Variants in MRPS6 observed in about 807,000 individuals in gnomAD.
MRPS6 encodes the protein small ribosomal subunit protein bS6m.
In MRPS6, 6 loss-of-function variants were observed where a neutral mutation model predicts 13.1. The observed-to-expected ratio is 0.46, with a 90% confidence interval of 0.25 to 0.91. MRPS6 has a LOEUF of 0.91. MRPS6 is among the 40% of genes least tolerant of loss of function. The pLI, the probability that MRPS6 is intolerant of heterozygous loss-of-function variation, is 0.18. For synonymous variants in MRPS6, 61 were observed against 56.5 expected (o/e 1.08, Z -0.36); for missense variants, 164 against 155.6 (o/e 1.05, Z -0.29).
At position 34,081,668 on chromosome 21, in the gene MRPS6, A is replaced by T. The variant is rs889413957; in HGVS notation, c.45+7923A>T. On this transcript the variant is annotated intron_variant, in intron 1 of 2. Coordinates refer to ENST00000399312, the MANE Select transcript of MRPS6 (RefSeq NM_032476.4). ...CCTCAGTTCCTTCTTTGTAAAATGGAAGTAATTCATTTGGGAGGGTATTTG... is the reference window on the plus strand; with the variant it reads ...CCTCAGTTCCTTCTTTGTAAAATGGTAGTAATTCATTTGGGAGGGTATTTG... Among the ~76,000 whole-genome samples, 6 of 152,120 alleles carry T rather than the reference A, an allele frequency of 3.9e-5. No individual in the cohort carries two copies. The South Asian group carries it at 1.0e-3, about 26-fold the overall frequency.
chr21:34,116,193 TG>T (rs1441180541), intron 1 of MRPS6, among the ~76,000 whole-genome samples: 1 of 131,808 alleles, frequency 7.6e-6, no homozygotes, highest in East Asian at 2.9e-4. Flanking sequence ...TGTGTGTGTG[TG>T]TGTGTGTGTG....
intron 1 of MRPS6, among the ~76,000 whole-genome samples, chr21:34,086,979 TCA>T (rs1978421331): frequency 6.6e-6 from 1 of 152,162 alleles, no homozygotes. Context: ...TCTGCACATA[TCA>T]CTGCACACTA....
intron 1 of MRPS6, among the ~76,000 whole-genome samples, chr21:34,086,086 A>G (rs1569414003): frequency 6.6e-6 from 1 of 152,190 alleles, no homozygotes; most frequent in South Asian, 2.1e-4. Context: ...TTACTCTGTA[A>G]TAGCTTCTTA....
At chr21:34,135,791 G>A in intron 2 of MRPS6, 1 of 519,538 alleles carries the variant, frequency 1.9e-6, no homozygotes, top group Non-Finnish European at 3.8e-6. Context: ...ACAGTCATGA[G>A]CTTCTTGCTG....
chr21:34,117,328 G>A (rs937344050), intron 1 of MRPS6, among the ~76,000 whole-genome samples: 1 of 151,970 alleles, frequency 6.6e-6, no homozygotes, highest in Non-Finnish European at 1.5e-5. Flanking sequence ...AGCACCCAAA[G>A]TGGCCCTCTT....
At chr21:34,077,201 G>A (rs1989352983) in intron 1 of MRPS6, among the ~76,000 whole-genome samples, 1 of 152,298 alleles carries the variant, frequency 6.6e-6, no homozygotes, top group South Asian at 2.1e-4. Flanking sequence ...TTTCAGTTAG[G>A]TAAAAGACTG....
chr21:34,114,841 G>C (rs1979839867), intron 1 of MRPS6, among the ~76,000 whole-genome samples: 1 of 152,214 alleles, frequency 6.6e-6, no homozygotes, highest in Non-Finnish European at 1.5e-5. Context: ...CTGACAACTA[G>C]TAAGTTCACA....
At chr21:34,084,841 T>A (rs1471384583) in intron 1 of MRPS6, among the ~76,000 whole-genome samples, 3 of 152,206 alleles carry the variant, frequency 2.0e-5, no homozygotes, top group Non-Finnish European at 4.4e-5. Context: ...ACTAAAAAAA[T>A]TTCAGACTTA....
chr21:34,073,730 GA>G lies in MRPS6; in HGVS notation c.33del (p.Ala12ProfsTer11). 1.3e-6 allele frequency: 2 copies of G among 1,528,790 alleles called. No homozygotes were observed. Among genetic ancestry groups the G allele is most frequent in the African/African-American group, 1.4e-5 (1 of 69,346 alleles). 94.7% of individuals were successfully genotyped at this position (1,528,790 alleles called of 1,614,324 possible). MPRYELALIL[K>X]AMQRPETAAT... ...CCCGCTACGAGCTGGCTTTAATCCT[GA>G]AAGCCATGCAGCGGGTAAGTGACCT... On this transcript the variant is annotated frameshift_variant, in exon 1 of 3. Coordinates refer to ENST00000399312, the MANE Select transcript of MRPS6 (RefSeq NM_032476.4). LOFTEE classifies it high-confidence loss of function.
intron 2 of MRPS6, among the ~76,000 whole-genome samples, chr21:34,133,606 G>A (rs1224648916): frequency 6.6e-6 from 1 of 152,182 alleles, no homozygotes; most frequent in African/African-American, 2.4e-5. Context: ...GACTTCCTGT[G>A]GACTCTCTGG....
chr21:34,109,004 T>C (rs969141133), intron 1 of MRPS6, among the ~76,000 whole-genome samples: 4 of 152,218 alleles, frequency 2.6e-5, no homozygotes, highest in Non-Finnish European at 1.5e-5. Flanking sequence ...ATGCCTTTGC[T>C]CTTAATTTTC....
chr21:34,110,221 T>C (rs185136119), intron 1 of MRPS6, among the ~76,000 whole-genome samples: 78 of 152,290 alleles, frequency 5.1e-4, no homozygotes, highest in African/African-American at 1.6e-3. Flanking sequence ...CCAGCACTTT[T>C]GGGAGGCTGA....
intron 1 of MRPS6, among the ~76,000 whole-genome samples, chr21:34,087,356 G>A (rs896204253): frequency 4.6e-5 from 7 of 152,126 alleles, no homozygotes; most frequent in Non-Finnish European, 7.3e-5. Flanking sequence ...AGTCTTGATG[G>A]CGAAGAACTT....
chr21:34,097,378 T>C (rs1355384986), intron 1 of MRPS6: 3 of 1,564,044 alleles, frequency 1.9e-6, no homozygotes, highest in Admixed American at 1.9e-5. Context: ...GGTGAGACAC[T>C]AACTTAAGAC....
chr21:34,074,015 G>C (rs1989257050), intron 1 of MRPS6, among the ~76,000 whole-genome samples: 1 of 146,206 alleles, frequency 6.8e-6, no homozygotes. Flanking sequence ...GCCGGGCGGG[G>C]GGCGGGGCGG....
chr21:34,118,557 CTTTTTT>C (rs373895797), intron 1 of MRPS6, among the ~76,000 whole-genome samples: 3 of 133,180 alleles, frequency 2.3e-5, no homozygotes, highest in Non-Finnish European at 4.8e-5. Context: ...TTCTTTCTTT[CTTTTTT>C]TTTTTTTTTT....
chr21:34,102,329 A>G (rs1259648707), intron 1 of MRPS6: 1 of 999,724 alleles, frequency 1.0e-6, no homozygotes. Flanking sequence ...AAGGCTTTAA[A>G]TTACTGATTC....
At chr21:34,110,652 A>G (rs62212123) in intron 1 of MRPS6, among the ~76,000 whole-genome samples, 8,831 of 152,278 alleles carry the variant, frequency 0.058, 301 homozygotes, top group Middle Eastern at 0.13. Context: ...ATTTACCTCA[A>G]ACACTGCATG....
intron 1 of MRPS6, among the ~76,000 whole-genome samples, chr21:34,077,727 T>C (rs1412008265): frequency 1.3e-5 from 2 of 152,208 alleles, no homozygotes; most frequent in Non-Finnish European, 2.9e-5. Flanking sequence ...AATAGTACTT[T>C]GGTAGGGTAA....
Sources: allele counts gnomAD v4.1 joint callset (sites outside exome capture counted in the v4.1 genomes callset), GRCh38; gene constraint gnomAD v4.1.1; transcripts MANE v1.5; gene names NCBI Gene and HGNC (gene_info 2026-07-23, HGNC 2026-07-21).